TTC29: variants seen among roughly 807,000 people sequenced by gnomAD.
The protein encoded by TTC29 is tetratricopeptide repeat domain 29.
TTC29 carries 49 observed loss-of-function variants against 58.1 expected under a neutral mutation model. The observed-to-expected ratio is 0.84, with a 90% CI of 0.67 to 1.07. The LOEUF (loss-of-function observed/expected upper bound fraction) is 1.07. TTC29 is among the 50% of genes least tolerant of loss of function. The pLI is 0.00. For synonymous variants in TTC29, 209 were observed against 196.8 expected, an observed-to-expected ratio of 1.06 and a Z score of -0.52; for missense variants, 582 against 555.6, an observed-to-expected ratio of 1.05 and a Z score of -0.48.
chr4:146,720,600 A>T (rs1743284344), intron 11 of TTC29, among the ~76,000 whole-genome samples: 1 of 152,154 alleles, frequency 6.6e-6, no homozygotes. Flanking sequence ...TTTCAGAGAA[A>T]GTGAGGACAA....
intron 11 of TTC29, among the ~76,000 whole-genome samples, chr4:146,785,888 G>A (rs1748972257): frequency 6.6e-6 from 1 of 151,760 alleles, no homozygotes; most frequent in South Asian, 2.1e-4. Context: ...GTTAACTAAA[G>A]GTCACTAAAT....
chr4:146,924,665 A>AT (rs929218883), intron 4 of TTC29, among the ~76,000 whole-genome samples: 8 of 150,538 alleles, frequency 5.3e-5, no homozygotes, highest in Admixed American at 4.6e-4. Flanking sequence ...TGGTTGATCA[A>AT]TTTTTTTTCA....
chr4:146,762,672 AT>A (rs1747000660), intron 11 of TTC29, among the ~76,000 whole-genome samples: 1 of 151,888 alleles, frequency 6.6e-6, no homozygotes, highest in Non-Finnish European at 1.5e-5. Context: ...TAAAAACATG[AT>A]TCAAGTAATC....
At chr4:146,911,886 C>T (rs1733921018) in intron 4 of TTC29, among the ~76,000 whole-genome samples, 1 of 152,112 alleles carries the variant, frequency 6.6e-6, no homozygotes, top group South Asian at 2.1e-4. Context: ...AAACAAATAC[C>T]CTGCCTGCTC....
At chr4:146,737,600 G>GGA (rs1554007373) in intron 11 of TTC29, among the ~76,000 whole-genome samples, 2 of 147,514 alleles carry the variant, frequency 1.4e-5, no homozygotes, top group Admixed American at 6.8e-5. Context: ...TGGGGGGGGG[G>GGA]GGGCTACAAA....
At chr4:146,812,551 TA>T (rs1751095142) in intron 10 of TTC29, among the ~76,000 whole-genome samples, 1 of 152,188 alleles carries the variant, frequency 6.6e-6, no homozygotes, top group Non-Finnish European at 1.5e-5. Context: ...ATCTTATTTA[TA>T]AGTGCCTTTT....
At chr4:146,859,536 C>G (rs769252299) in intron 8 of TTC29, among the ~76,000 whole-genome samples, 4 of 152,118 alleles carry the variant, frequency 2.6e-5, no homozygotes, top group Non-Finnish European at 4.4e-5. Flanking sequence ...ATTCCTTTTT[C>G]TCTCAAACCA....
chr4:146,789,769 A>T (rs1749292712), intron 11 of TTC29, among the ~76,000 whole-genome samples: 1 of 151,528 alleles, frequency 6.6e-6, no homozygotes, highest in Non-Finnish European at 1.5e-5. Context: ...AAGGTAAAAT[A>T]TATTTTTTAC....
At chr4:146,787,766 G>A (rs1333585276) in intron 11 of TTC29, among the ~76,000 whole-genome samples, 1 of 152,188 alleles carries the variant, frequency 6.6e-6, no homozygotes, top group Non-Finnish European at 1.5e-5. Context: ...AGAGAAAGAT[G>A]AAAAGTGTTT....
At chr4:146,743,303 G>A (rs1745303042) in intron 11 of TTC29, among the ~76,000 whole-genome samples, 1 of 152,136 alleles carries the variant, frequency 6.6e-6, no homozygotes, top group East Asian at 1.9e-4. Context: ...AAATTTCTAT[G>A]TCTTCACTTC....
chr4:146,934,298 G>A (rs752036326), intron 4 of TTC29: 8 of 152,110 alleles, frequency 5.3e-5, no homozygotes, highest in Non-Finnish European at 7.3e-5. Flanking sequence ...GTAGCTGATC[G>A]GGCATACTGA....
At chr4:146,937,223 T>C (rs1456074587) in intron 4 of TTC29, among the ~76,000 whole-genome samples, 1 of 152,048 alleles carries the variant, frequency 6.6e-6, no homozygotes, top group East Asian at 1.9e-4. Flanking sequence ...TAGTAAGGTG[T>C]TTCTTTTTCT....
At chr4:146,715,352 A>G (rs866317263) in intron 11 of TTC29, among the ~76,000 whole-genome samples, 1 of 152,188 alleles carries the variant, frequency 6.6e-6, no homozygotes, top group South Asian at 2.1e-4. Context: ...TAAGATATGG[A>G]ATCAACCTAA....
intron 11 of TTC29, among the ~76,000 whole-genome samples, chr4:146,772,093 G>C (rs976945764): frequency 5.3e-5 from 8 of 151,908 alleles, no homozygotes; most frequent in African/African-American, 1.9e-4. Flanking sequence ...TTTTTAATGG[G>C]GTTGTTTGTT....
chr4:146,721,730 TA>T (rs571536818), intron 11 of TTC29, among the ~76,000 whole-genome samples: 53 of 152,112 alleles, frequency 3.5e-4, no homozygotes, highest in African/African-American at 1.3e-3. Flanking sequence ...AACGCCAGAT[TA>T]AAAAAATTCA....
At chr4:146,915,877 T>C (rs547302611) in intron 4 of TTC29, among the ~76,000 whole-genome samples, 49 of 152,014 alleles carry the variant, frequency 3.2e-4, no homozygotes, top group African/African-American at 1.1e-3. Flanking sequence ...TAAAACAAGA[T>C]CATAAAATTT....
At chr4:146,893,301 C>G (rs547745562) in intron 6 of TTC29, among the ~76,000 whole-genome samples, 24 of 152,210 alleles carry the variant, frequency 1.6e-4, no homozygotes, top group African/African-American at 5.5e-4. Flanking sequence ...CTACAGTAAC[C>G]AAAACAGCAT....
chr4:146,736,481 C>T (rs1239255366), intron 11 of TTC29, among the ~76,000 whole-genome samples: 1 of 152,092 alleles, frequency 6.6e-6, no homozygotes. Flanking sequence ...GCCTTTCAAG[C>T]AACAGTAATT....
intron 8 of TTC29, among the ~76,000 whole-genome samples, chr4:146,864,712 C>T (rs962376317): frequency 6.6e-6 from 1 of 152,092 alleles, no homozygotes; most frequent in African/African-American, 2.4e-5. Context: ...TGTATCACTG[C>T]ACTCTCTGCC....
Sources: allele counts gnomAD v4.1 joint callset (sites outside exome capture counted in the v4.1 genomes callset), GRCh38; gene constraint gnomAD v4.1.1; transcripts MANE v1.5; gene names NCBI Gene and HGNC (gene_info 2026-07-23, HGNC 2026-07-21).